PLCG2: variants seen among roughly 807,000 people sequenced by gnomAD.
The protein encoded by PLCG2 is 1-phosphatidylinositol 4,5-bisphosphate phosphodiesterase gamma-2.
PLCG2 carries 69 observed loss-of-function variants against 175.6 expected under a neutral mutation model. That is an observed-to-expected ratio of 0.39 (90% CI 0.32 to 0.48). The LOEUF (loss-of-function observed/expected upper bound fraction) is 0.48, where lower values mean the gene tolerates loss of function less well. Ranked by LOEUF, PLCG2 falls within the 20% of genes least tolerant of loss-of-function variation. PLCG2 has a pLI of 0.91. For missense variants in PLCG2, 1,798 were observed against 1,650.9 expected (o/e 1.09, Z -1.54); for synonymous variants, 827 against 624.0 (o/e 1.33, Z -4.85).
At chr16:81,892,890 C>G (rs28520093) in intron 11 of PLCG2, among the ~76,000 whole-genome samples, 12,567 of 150,566 alleles carry the variant, frequency 0.083, 694 homozygotes, top group African/African-American at 0.15. Context: ...CTCTGTTGCC[C>G]AGGCTGGAGT....
intron 9 of PLCG2, among the ~76,000 whole-genome samples, chr16:81,884,226 C>G (rs999323790): frequency 6.6e-6 from 1 of 152,174 alleles, no homozygotes; most frequent in Admixed American, 6.5e-5. Context: ...TGGTGGGTGC[C>G]TGTAATCCCA....
intron 31 of PLCG2, among the ~76,000 whole-genome samples, chr16:81,954,787 C>G (rs945873759): frequency 6.6e-6 from 1 of 152,160 alleles, no homozygotes; most frequent in African/African-American, 2.4e-5. Context: ...GTACATGGTG[C>G]TGCAGTAAAC....
At chr16:81,946,049 C>A in intron 30 of PLCG2, 126 bp from the exon 31 acceptor site, 1 of 732,396 alleles carries the variant, frequency 1.4e-6, no homozygotes, top group South Asian at 1.6e-5. Flanking sequence ...AAGTCAGCCC[C>A]CAGCATGGGG....
chr16:81,834,614 T>C (rs373992812), intron 2 of PLCG2, among the ~76,000 whole-genome samples: 1 of 68,656 alleles, frequency 1.5e-5, no homozygotes, highest in Non-Finnish European at 3.4e-5. Flanking sequence ...GCTGCTGCTG[T>C]TGGGAGTTTC....
Position 81,905,477 on chromosome 16 carries a change from G to A in PLCG2, c.1437G>A (p.Gly479=), listed in dbSNP as rs755597785. 47 of 1,613,994 alleles carry A rather than the reference G, an allele frequency of 2.9e-5. No individual in the cohort carries two copies. Among genetic ancestry groups the A allele is most frequent in the Non-Finnish European group, 3.7e-5 (44 of 1,179,962 alleles). ...EDKKDEHKQQ[G]ELYMWDSIDQ... ...AGAAGGACGAACACAAGCAACAGGG[G>A]GAGCTGTACATGTGGGATTCCATTG... The change falls in exon 15 of 33, where the codon GGG becomes GGA. Residue 479 remains glycine, a synonymous_variant. Coordinates refer to ENST00000564138, the MANE Select transcript of PLCG2 (RefSeq NM_002661.5).
intron 2 of PLCG2, among the ~76,000 whole-genome samples, chr16:81,848,442 G>GT (rs1257255623): frequency 1.1e-4 from 17 of 152,166 alleles, no homozygotes; most frequent in African/African-American, 4.1e-4. Flanking sequence ...TAGAATGGCT[G>GT]TTAGAATTTC....
Position 81,796,248 on chromosome 16 carries a change from C to T in PLCG2, c.193+10066C>T, listed in dbSNP as rs372218870. On this transcript the variant is annotated intron_variant, in intron 2 of 32. Coordinates refer to ENST00000564138, the MANE Select transcript of PLCG2 (RefSeq NM_002661.5). The stretch of plus-strand genomic sequence containing the variant: ...GTTTCTCTCACAGATGTGGCCCTCC[C>T]CTCCCCAGCACAGACTGTCTCCAAA... Among the ~76,000 whole-genome samples the T allele has an allele frequency of 9.3e-4, 141 of 152,352 alleles. 1 individual carries two copies. The highest frequency in any genetic ancestry group is 6.8e-3 in the Middle Eastern group (2 of 294).
At chr16:81,897,623 G>A (rs1322711096) in intron 13 of PLCG2, among the ~76,000 whole-genome samples, 5 of 143,780 alleles carry the variant, frequency 3.5e-5, no homozygotes, top group Admixed American at 7.6e-5. Flanking sequence ...TCGGCTCACT[G>A]CAACCTCCAC....
chr16:81,782,255 G>A (rs564596862), intron 1 of PLCG2, among the ~76,000 whole-genome samples: 2 of 151,310 alleles, frequency 1.3e-5, no homozygotes, highest in South Asian at 2.1e-4. Flanking sequence ...ACCTTTAGAA[G>A]GACATGAAAT....
intron 11 of PLCG2, among the ~76,000 whole-genome samples, chr16:81,893,232 G>C (rs1006334551): frequency 6.6e-6 from 1 of 152,106 alleles, no homozygotes; most frequent in Non-Finnish European, 1.5e-5. Context: ...TCATTCTTAC[G>C]GCAGTTTTGG....
At chr16:81,808,423 C>G (rs1188896051) in intron 2 of PLCG2, among the ~76,000 whole-genome samples, 1 of 152,174 alleles carries the variant, frequency 6.6e-6, no homozygotes, top group Non-Finnish European at 1.5e-5. Flanking sequence ...GGCTGTGTGG[C>G]CCCAAGCCCA....
At chr16:81,782,750 C>T (rs1044295153) in intron 1 of PLCG2, among the ~76,000 whole-genome samples, 1 of 152,224 alleles carries the variant, frequency 6.6e-6, no homozygotes, top group Admixed American at 6.5e-5. Context: ...CAAAATCCCA[C>T]AAAACGATTC....
chr16:81,788,905 G>A (rs1214848305), intron 2 of PLCG2, among the ~76,000 whole-genome samples: 1 of 152,166 alleles, frequency 6.6e-6, no homozygotes, highest in Admixed American at 6.5e-5. Context: ...CCCCCACAAG[G>A]GGTGAGAGGG....
At chr16:81,840,081 A>G (rs1905739584) in intron 2 of PLCG2, among the ~76,000 whole-genome samples, 1 of 152,186 alleles carries the variant, frequency 6.6e-6, no homozygotes, top group African/African-American at 2.4e-5. Flanking sequence ...GAATTATTTG[A>G]TGGCCCATGC....
rs751823035 is a variant in PLCG2, at chr16:81,927,055, G to A, written c.2418-27G>A. 6 of 1,481,120 alleles carry A rather than the reference G, an allele frequency of 4.1e-6. No homozygotes were observed. In the East Asian group the frequency reaches 6.8e-5, roughly 17 times the overall value. 91.7% of individuals were successfully genotyped at this position (1,481,120 alleles called of 1,614,324 possible). A position where few individuals can be genotyped will look rare whatever the true frequency, so the allele number is the denominator to read the frequency against. On this transcript the variant is annotated intron_variant, in intron 22 of 32. Transcript: ENST00000564138. ...GTAATTCATGCCACCTGGTGACAGC[G>A]CCCCCATGTCCTCTCTTCTTATCCA...
chr16:81,810,935 C>A (rs1427824863), intron 2 of PLCG2, among the ~76,000 whole-genome samples: 2 of 152,124 alleles, frequency 1.3e-5, no homozygotes, highest in East Asian at 3.8e-4. Context: ...TAAGAGGCAC[C>A]AAGGGAGGTT....
intron 2 of PLCG2, among the ~76,000 whole-genome samples, chr16:81,801,568 C>T (rs74029219): frequency 3.4e-4 from 52 of 152,254 alleles, no homozygotes; most frequent in African/African-American, 8.4e-4. Context: ...ATGATACTCC[C>T]GATTCCAGCA....
chr16:81,919,623 C>T lies in PLCG2; in HGVS notation c.2194C>T (p.Arg732Cys), dbSNP rs369760877. 28 of 1,613,888 alleles carry T rather than the reference C, an allele frequency of 1.7e-5. No homozygotes were observed. Among genetic ancestry groups the T allele is most frequent in the East Asian group, 6.7e-5 (3 of 44,886 alleles). ...TTCACTCTACCGAAAGATGAGACTG[C>T]GCTACCCCGTGACCCCCGAGCTCCT... is the stretch of plus-strand genomic sequence containing the variant. Reference protein sequence around the residue: ...KHSLYRKMRLRYPVTPELLER... With the variant: ...KHSLYRKMRLCYPVTPELLER... Residue 732 changes from arginine (R) to cysteine (C), a missense_variant, in exon 20 of 33, where the codon CGC (arginine) becomes TGC (cysteine). By Grantham distance (180) the Arg-to-Cys change is radical (BLOSUM62 -3). Transcript: ENST00000564138.
chr16:81,740,137 C>G (rs1275406960), intron 1 of PLCG2: 2 of 20,344 alleles, frequency 9.8e-5, no homozygotes, highest in Non-Finnish European at 1.9e-4. Context: ...GACTCTGTCT[C>G]CAAAAAAAAA....
Sources: gnomAD v4.1 joint callset for allele counts (sites outside exome capture counted in the v4.1 genomes callset) on GRCh38, gnomAD v4.1.1 for gene constraint, MANE v1.5 for transcripts, NCBI Gene and HGNC (gene_info 2026-07-23, HGNC 2026-07-21) for gene names.